The following TM9SF4 variants were observed in gnomAD, a reference collection of about 807,000 sequenced individuals.
TM9SF4 encodes dinucleotide oxidase disulfide thiol exchanger 3 superfamily member 4.
A neutral mutation model predicts 90.4 loss-of-function variants in TM9SF4; 26 were observed. The ratio of observed to expected loss-of-function variants is 0.29; its 90% CI spans 0.21 to 0.40. The LOEUF (loss-of-function observed/expected upper bound fraction) is 0.40. TM9SF4 is among the 10% of genes least tolerant of loss of function. The pLI is 1.00. For synonymous variants in TM9SF4, 293 were observed against 315.4 expected (o/e 0.93, Z 0.75); for missense variants, 549 against 834.8 (o/e 0.66, Z 4.22).
chr20:32,156,482 G>C (rs967142679), intron 13 of TM9SF4, among the ~76,000 whole-genome samples: 7 of 152,234 alleles, frequency 4.6e-5, no homozygotes, highest in African/African-American at 1.7e-4. Context: ...AAGTGGCATA[G>C]TGTTTACGTA....
chr20:32,165,503 G>A lies in TM9SF4; in HGVS notation c.*59G>A, dbSNP rs1173286169. 2 of 1,585,282 alleles carry A rather than the reference G, an allele frequency of 1.3e-6. No homozygotes were observed. The highest frequency in any genetic ancestry group is 8.6e-7 in the Non-Finnish European group (1 of 1,156,462). Reference sequence around the variant, plus strand: ...TCGGACAGGAAGCCACCCTGCGTGGGGGACTGCAGGCACGCAAAATAAAAT... The same window carrying A: ...TCGGACAGGAAGCCACCCTGCGTGGAGGACTGCAGGCACGCAAAATAAAAT... On this transcript the variant is annotated 3_prime_UTR_variant, in exon 18 of 18. Coordinates refer to ENST00000398022, the MANE Select transcript of TM9SF4 (RefSeq NM_014742.4).
intron 3 of TM9SF4, chr20:32,137,073 C>A (rs547591974): frequency 2.4e-5 from 11 of 455,020 alleles, no homozygotes; most frequent in South Asian, 1.7e-4. Context: ...CCATCTCCCC[C>A]TAATACCAAC....
intron 1 of TM9SF4, chr20:32,110,113 T>A: frequency 8.9e-7 from 1 of 1,122,666 alleles, no homozygotes; most frequent in Non-Finnish European, 1.1e-6. Context: ...TTCTCATCCT[T>A]GCTCCTCCCC....
chr20:32,152,465 G>A (rs2046857184), intron 12 of TM9SF4, among the ~76,000 whole-genome samples: 1 of 151,460 alleles, frequency 6.6e-6, no homozygotes, highest in African/African-American at 2.4e-5. Context: ...CAGACATCAA[G>A]TGCTAAGGAT....
intron 17 of TM9SF4, among the ~76,000 whole-genome samples, chr20:32,163,643 G>A (rs551091319): frequency 2.3e-5 from 3 of 128,942 alleles, no homozygotes; most frequent in Admixed American, 1.9e-4. Context: ...ATGGAGACTC[G>A]CTCTGTTGCC....
intron 17 of TM9SF4, among the ~76,000 whole-genome samples, chr20:32,163,363 T>G (rs1327517627): frequency 6.7e-6 from 1 of 149,712 alleles, no homozygotes. Context: ...CTGTGTATCT[T>G]TTTTTGGCCT....
At chr20:32,110,882 A>T (rs1402234898) in intron 1 of TM9SF4, among the ~76,000 whole-genome samples, 1 of 152,224 alleles carries the variant, frequency 6.6e-6, no homozygotes, top group East Asian at 1.9e-4. Context: ...AATTGAAGTC[A>T]CTTAGTCCAG....
chr20:32,146,860 G>A lies in TM9SF4; in HGVS notation c.954+5G>A. ...TACAACAAGGAGGATGACATTGTACGAGGTCTTGGCTGGGGAGGGATGAAG... is the reference window on the plus strand; with the variant it reads ...TACAACAAGGAGGATGACATTGTACAAGGTCTTGGCTGGGGAGGGATGAAG... On this transcript the variant is annotated splice_donor_5th_base_variant and intron_variant, in intron 9 of 17. Transcript: ENST00000398022. 6.2e-7 allele frequency: 1 copy of A among 1,613,460 alleles called. No homozygotes were observed. Among genetic ancestry groups the A allele is most frequent in the Non-Finnish European group, 8.5e-7 (1 of 1,179,738 alleles).
intron 3 of TM9SF4, among the ~76,000 whole-genome samples, chr20:32,136,636 A>G (rs957739308): frequency 2.0e-5 from 3 of 152,240 alleles, no homozygotes; most frequent in Non-Finnish European, 4.4e-5. Context: ...TGCAGGACTC[A>G]TGTCAAATAA....
intron 12 of TM9SF4, among the ~76,000 whole-genome samples, chr20:32,154,113 G>A (rs1246475198): frequency 1.3e-5 from 2 of 152,076 alleles, no homozygotes; most frequent in Non-Finnish European, 1.5e-5. Flanking sequence ...TTTGGGTTGG[G>A]GCCCAGACAT....
intron 1 of TM9SF4, among the ~76,000 whole-genome samples, chr20:32,124,651 A>G (rs995966125): frequency 1.8e-4 from 27 of 151,702 alleles, no homozygotes; most frequent in African/African-American, 6.3e-4. Context: ...CAATGGCACA[A>G]TCTTGGCTCA....
intron 1 of TM9SF4, among the ~76,000 whole-genome samples, chr20:32,110,322 A>C (rs2046124003): frequency 1.4e-5 from 2 of 146,942 alleles, no homozygotes; most frequent in African/African-American, 5.1e-5. Flanking sequence ...CACCTACCCC[A>C]CCCCCATCTT....
At chr20:32,115,272 G>GT (rs2046202255) in intron 1 of TM9SF4, among the ~76,000 whole-genome samples, 1 of 152,164 alleles carries the variant, frequency 6.6e-6, no homozygotes, top group African/African-American at 2.4e-5. Flanking sequence ...CTTAGTTTCT[G>GT]TTTTACAACT....
At chr20:32,157,752 G>C (rs2122466544) in intron 13 of TM9SF4, 42 bp from the exon 14 acceptor site, 1 of 1,606,450 alleles carries the variant, frequency 6.2e-7, no homozygotes, top group Middle Eastern at 1.7e-4. Flanking sequence ...CCCATCCCGG[G>C]CATCAGGGCC....
At chr20:32,116,894 A>C (rs1600773899) in intron 1 of TM9SF4, among the ~76,000 whole-genome samples, 1 of 67,974 alleles carries the variant, frequency 1.5e-5, no homozygotes, top group African/African-American at 5.3e-5. Context: ...TTTTTGCTTA[A>C]TCTGAGGGAG....
chr20:32,153,883 A>G (rs371610092), intron 12 of TM9SF4, among the ~76,000 whole-genome samples: 4 of 152,226 alleles, frequency 2.6e-5, no homozygotes, highest in East Asian at 1.9e-4. Context: ...CTCTGGGGTC[A>G]GACTGCCTGC....
Position 32,130,545 on chromosome 20 carries a change from A to C in TM9SF4, c.16-2468A>C, listed in dbSNP as rs114270834. ...AAAGCTTCCAATGAGGAAGGGCCAG[A>C]ATCTTCAGATGCCTAGTCAGGTGGA... On this transcript the variant is annotated intron_variant, in intron 1 of 17. Transcript: ENST00000398022. 6.3e-3 allele frequency among the ~76,000 whole-genome samples: 955 copies of C among 152,366 alleles called. 11 individuals are homozygous for C. Among genetic ancestry groups the C allele is most frequent in the African/African-American group, 0.022 (904 of 41,590 alleles).
At position 32,166,959 on chromosome 20, in the gene TM9SF4, A is replaced by G. The variant is rs905104118; in HGVS notation, c.*1515A>G. The G allele has an allele frequency of 3.3e-5, 5 of 152,254 alleles. No homozygotes were observed. Among genetic ancestry groups the G allele is most frequent in the African/African-American group, 9.6e-5 (4 of 41,534 alleles). 9.4% of individuals were successfully genotyped at this position (152,254 alleles called of 1,614,324 possible). Reference sequence around the variant, plus strand: ...ACCCATCAAACCAGTGAATTTCTCAATCTTGCCTCACAGTGACTGCAGCGC... The same window carrying G: ...ACCCATCAAACCAGTGAATTTCTCAGTCTTGCCTCACAGTGACTGCAGCGC... On this transcript the variant is annotated 3_prime_UTR_variant, in exon 18 of 18. Coordinates refer to ENST00000398022, the MANE Select transcript of TM9SF4 (RefSeq NM_014742.4).
intron 3 of TM9SF4, among the ~76,000 whole-genome samples, chr20:32,140,434 T>G (rs1349600616): frequency 6.6e-6 from 1 of 152,198 alleles, no homozygotes; most frequent in Admixed American, 6.5e-5. Flanking sequence ...GACACAGAGA[T>G]AAATAGGAAA....
Sources: gnomAD v4.1 joint callset for allele counts (sites outside exome capture counted in the v4.1 genomes callset) on GRCh38, gnomAD v4.1.1 for gene constraint, MANE v1.5 for transcripts, NCBI Gene and HGNC (gene_info 2026-07-23, HGNC 2026-07-21) for gene names.